PRDM7: variants seen among roughly 807,000 people sequenced by gnomAD.
PRDM7 encodes the protein PR/SET domain 7, also known as histone-lysine N-methyltransferase PRDM7.
In PRDM7, 52 loss-of-function variants were observed where a neutral mutation model predicts 64.3. That is an observed-to-expected ratio of 0.81 (90% CI 0.65 to 1.02). The LOEUF (loss-of-function observed/expected upper bound fraction) is 1.02. Ranked by LOEUF, PRDM7 falls within the 50% of genes least tolerant of loss-of-function variation. The probability of loss-of-function intolerance (pLI) is 0.00; values close to 1 mark genes in which losing one functional copy is unlikely to be tolerated. For synonymous variants in PRDM7, 192 were observed against 210.1 expected, an observed-to-expected ratio of 0.91 and a Z score of 0.74; for missense variants, 574 against 597.1, an observed-to-expected ratio of 0.96 and a Z score of 0.40.
intron 4 of PRDM7, among the ~76,000 whole-genome samples, chr16:90,067,685 G>C (rs564119680): frequency 6.7e-6 from 1 of 149,482 alleles, no homozygotes; most frequent in South Asian, 2.1e-4. Flanking sequence ...CTGCCTCCTG[G>C]GTTCAGGCCA....
At chr16:90,064,910 G>C (rs1042385741) in intron 5 of PRDM7, among the ~76,000 whole-genome samples, 1 of 150,282 alleles carries the variant, frequency 6.7e-6, no homozygotes, top group Non-Finnish European at 1.5e-5. Context: ...GTAGAGATGG[G>C]GTTTCACCAT....
chr16:90,066,869 G>A lies in PRDM7; in HGVS notation c.343C>T (p.His115Tyr), dbSNP rs1195487612. Residue 115 changes from histidine to tyrosine, a missense_variant, in exon 5 of 11, where the codon CAC (histidine) becomes TAC (tyrosine). Coordinates refer to ENST00000449207, the MANE Select transcript of PRDM7 (RefSeq NM_001098173.2). Reference sequence around the variant, plus strand: ...ATTTGGGAGATACTTACCTTCTGGTGTTTACTCTGTTCTCCTCTGAAGGCC... The same window carrying A: ...ATTTGGGAGATACTTACCTTCTGGTATTTACTCTGTTCTCCTCTGAAGGCC... Reference protein sequence around the residue: ...WMAFRGEQSKHQKGMPKASFN... With the variant: ...WMAFRGEQSKYQKGMPKASFN... 5 of 1,594,098 alleles carry A rather than the reference G, an allele frequency of 3.1e-6. No individual in the cohort carries two copies. The highest frequency in any genetic ancestry group is 3.3e-5 in the Admixed American group (2 of 59,790).
intron 9 of PRDM7, 110 bp from the exon 10 acceptor site, chr16:90,060,733 CA>C: frequency 6.6e-7 from 1 of 1,507,950 alleles, no homozygotes; most frequent in East Asian, 2.3e-5. Flanking sequence ...CCTAATCAGC[CA>C]TTTTTTCAAA....
chr16:90,067,374 C>T (rs550845267), intron 4 of PRDM7, among the ~76,000 whole-genome samples: 1 of 151,032 alleles, frequency 6.6e-6, no homozygotes, highest in Admixed American at 6.6e-5. Context: ...TCATTAAGGC[C>T]TATGCTTCTA....
Position 90,070,594 on chromosome 16 carries a change from T to C in PRDM7, c.302-3684A>G, listed in dbSNP as rs557233744. ...AATGAGGCTGTCTAAAAAAAAATCT[T>C]CTAGTAGGTATTATTGCTTTTATAA... On this transcript the variant is annotated intron_variant, in intron 4 of 10. Coordinates refer to ENST00000449207, the MANE Select transcript of PRDM7 (RefSeq NM_001098173.2). Among the ~76,000 whole-genome samples, 78 of 150,990 alleles carry C rather than the reference T, an allele frequency of 5.2e-4. 2 individuals are homozygous for C. Among genetic ancestry groups the C allele is most frequent in the Middle Eastern group, 6.8e-3 (2 of 294 alleles).
intron 4 of PRDM7, among the ~76,000 whole-genome samples, chr16:90,074,638 C>A (rs978736983): frequency 1.7e-4 from 26 of 151,998 alleles, no homozygotes; most frequent in African/African-American, 6.0e-4. Context: ...CTTTGGAAGG[C>A]CAAGGTGGGT....
intron 4 of PRDM7, among the ~76,000 whole-genome samples, chr16:90,074,273 AATCATCATCGTCATCATCATC>A (rs2038002446): frequency 8.5e-6 from 1 of 117,312 alleles, no homozygotes; most frequent in African/African-American, 3.1e-5. Context: ...TAATAGTAAC[AATCATCATCGTCATCATCATC>A]ATCATCATCA....
intron 6 of PRDM7, 69 bp downstream of exon 6, chr16:90,063,543 G>C (rs2037818297): frequency 2.6e-6 from 4 of 1,564,340 alleles, no homozygotes; most frequent in South Asian, 1.1e-5. Flanking sequence ...ACCCCACATA[G>C]GTAGACCATA....
intron 4 of PRDM7, among the ~76,000 whole-genome samples, chr16:90,067,516 A>T (rs1369628419): frequency 6.6e-6 from 1 of 150,972 alleles, no homozygotes; most frequent in Admixed American, 6.6e-5. Context: ...TTGACCTTTC[A>T]TGACAAACAC....
At chr16:90,058,576 G>C (rs779527821) in intron 10 of PRDM7, 42 bp from the exon 11 acceptor site, 1 of 1,583,280 alleles carries the variant, frequency 6.3e-7, no homozygotes, top group East Asian at 2.2e-5. Context: ...GTTTTGTTCA[G>C]GCCTTACTAC....
rs1200216520 is a variant in PRDM7 at position 90,057,791 on chromosome 16, C to T, written c.*498G>A. Reference sequence around the variant, plus strand: ...GGGGTGTGCAAGTGTGTGGTGATCACGTTTGTCTTCTTGTGGCTATTGAGA... The same window carrying T: ...GGGGTGTGCAAGTGTGTGGTGATCATGTTTGTCTTCTTGTGGCTATTGAGA... On this transcript the variant is annotated 3_prime_UTR_variant, in exon 11 of 11. Coordinates refer to ENST00000449207, the MANE Select transcript of PRDM7 (RefSeq NM_001098173.2). 2.1e-5 allele frequency: 29 copies of T among 1,358,038 alleles called. No individual in the cohort carries two copies. Among genetic ancestry groups the T allele is most frequent in the Non-Finnish European group, 2.7e-5 (28 of 1,023,840 alleles). The allele number at this position is 1,358,038 out of a possible 1,614,324, so 84.1% of individuals were successfully genotyped here. A position where few individuals can be genotyped will look rare whatever the true frequency, so the allele number is the denominator to read the frequency against.
At position 90,057,210 on chromosome 16, in the gene PRDM7, A is replaced by G. The variant is rs182509554; in HGVS notation, c.*1079T>C. The G allele has an allele frequency of 4.3e-3, 671 of 154,628 alleles. 16 individuals are homozygous for G. Among genetic ancestry groups the G allele is most frequent in the Non-Finnish European group, 1.3e-3 (93 of 69,740 alleles). 9.6% of individuals were successfully genotyped at this position (154,628 alleles called of 1,614,324 possible). On this transcript the variant is annotated 3_prime_UTR_variant, in exon 11 of 11. Transcript: ENST00000449207. ...TCACTTCTGGGGCTACAGAGATTGG[A>G]GGAAATCAGGAGAGGAGACAGGGGG...
At chr16:90,067,011 C>T in intron 4 of PRDM7, 101 bp from the exon 5 acceptor site, 1 of 1,012,318 alleles carries the variant, frequency 9.9e-7, no homozygotes, top group Non-Finnish European at 1.5e-6. Flanking sequence ...GTCGCCCAGG[C>T]TGGAGTGCAG....
rs1200204752 is a variant in PRDM7 at position 90,063,806 on chromosome 16, A to C, written c.352-38T>G. 2.5e-6 allele frequency: 4 copies of C among 1,610,134 alleles called. No homozygotes were observed. In the African/African-American group the frequency reaches 4.0e-5, roughly 16 times the overall value. ...AATCACATATTAAAAGACAACGTGC[A>C]TTTATTTAGTTCTTTACGGCTTGCA... is the stretch of plus-strand genomic sequence containing the variant. On this transcript the variant is annotated intron_variant, in intron 5 of 10. Transcript: ENST00000449207.
chr16:90,057,838 T>G lies in PRDM7; in HGVS notation c.*451A>C. ...GAGATAAGGTTTTATTACTAATGAC[T>G]TACTCATCCTTCCTGCAGACTGGGG... On this transcript the variant is annotated 3_prime_UTR_variant, in exon 11 of 11. Transcript: ENST00000449207. 6.7e-7 allele frequency: 1 copy of G among 1,487,614 alleles called. No homozygotes were observed. Among genetic ancestry groups the G allele is most frequent in the South Asian group, 1.1e-5 (1 of 89,706 alleles). 92.2% of individuals were successfully genotyped at this position (1,487,614 alleles called of 1,614,324 possible).
rs2151303507 is a variant in PRDM7, at chr16:90,056,613, T to C, written c.*1676A>G. Reference sequence around the variant, plus strand: ...CGGCCAGGAGCATCAGCAAGACTGCTGTCTCAAGAGCCGAGCTCCCCGAGT... The same window carrying C: ...CGGCCAGGAGCATCAGCAAGACTGCCGTCTCAAGAGCCGAGCTCCCCGAGT... On this transcript the variant is annotated 3_prime_UTR_variant, in exon 11 of 11. Coordinates refer to ENST00000449207, the MANE Select transcript of PRDM7 (RefSeq NM_001098173.2). The C allele has an allele frequency of 6.6e-6, 1 of 152,352 alleles. No homozygotes were observed. The highest frequency in any genetic ancestry group is 2.4e-5 in the African/African-American group (1 of 41,578). The allele number at this position is 152,352 out of a possible 1,614,324, so 9.4% of individuals were successfully genotyped here. A position where few individuals can be genotyped will look rare whatever the true frequency, so the allele number is the denominator to read the frequency against.
chr16:90,068,258 G>A (rs559169460), intron 4 of PRDM7, among the ~76,000 whole-genome samples: 3 of 150,304 alleles, frequency 2.0e-5, no homozygotes, highest in East Asian at 1.9e-4. Context: ...CAGCTTGGGC[G>A]ACAGAGCGAG....
chr16:90,061,795 C>T, intron 8 of PRDM7, 126 bp downstream of exon 8: 1 of 1,457,150 alleles, frequency 6.9e-7, no homozygotes. Flanking sequence ...ATGCAAAGAC[C>T]CTTGAGTACA....
chr16:90,074,800 A>G, intron 4 of PRDM7, 116 bp downstream of exon 4: 1 of 1,000,662 alleles, frequency 1.0e-6, no homozygotes. Context: ...AATCGCTTGA[A>G]CCTGGGAGGC....
Sources: gnomAD v4.1 joint callset for allele counts (sites outside exome capture counted in the v4.1 genomes callset) on GRCh38, gnomAD v4.1.1 for gene constraint, MANE v1.5 for transcripts, NCBI Gene and HGNC (gene_info 2026-07-23, HGNC 2026-07-21) for gene names.